Variants in INSR observed in about 807,000 individuals in gnomAD.
INSR encodes insulin receptor, also known as IR.
A neutral mutation model predicts 142.6 loss-of-function variants in INSR; 67 were observed. The ratio of observed to expected loss-of-function variants is 0.47; its 90% CI spans 0.39 to 0.58. The LOEUF (loss-of-function observed/expected upper bound fraction) is 0.58. Among genes scored for constraint, INSR ranks in the 20% least tolerant of loss-of-function variants. The probability of loss-of-function intolerance (pLI) is 0.00; values close to 1 mark genes in which losing one functional copy is unlikely to be tolerated. For missense variants in INSR, 1,248 were observed against 1,833.2 expected, an observed-to-expected ratio of 0.68 and a Z score of 5.83; for synonymous variants, 756 against 743.1, an observed-to-expected ratio of 1.02 and a Z score of -0.28.
intron 5 of INSR, 57 bp downstream of exon 5, chr19:7,172,233 T>G: frequency 6.2e-7 from 1 of 1,601,832 alleles, no homozygotes; most frequent in South Asian, 1.1e-5. Flanking sequence ...TAAGTTGTTC[T>G]AATACACGAA....
At chr19:7,283,562 C>T (rs549121106) in intron 1 of INSR, among the ~76,000 whole-genome samples, 7 of 152,250 alleles carry the variant, frequency 4.6e-5, no homozygotes, top group African/African-American at 1.7e-4. Context: ...GCCTCAGCCT[C>T]CTGAGTAGCT....
At position 7,117,033 on chromosome 19, in the gene INSR, C is replaced by T. The variant is rs778594659; in HGVS notation, c.*23G>A. The T allele has an allele frequency of 8.8e-6, 14 of 1,593,352 alleles. No homozygotes were observed. Among genetic ancestry groups the T allele is most frequent in the Middle Eastern group, 1.7e-4 (1 of 6,050 alleles). On this transcript the variant is annotated 3_prime_UTR_variant, in exon 22 of 22. Transcript: ENST00000302850. ...GAAAGCGAAAATGGGAACCCCTGCCCGCCCCCGCCACGGTAGGCACTGTTA... is the reference window on the plus strand; with the variant it reads ...GAAAGCGAAAATGGGAACCCCTGCCTGCCCCCGCCACGGTAGGCACTGTTA...
At position 7,283,532 on chromosome 19, in the gene INSR, C is replaced by T. The variant is rs549704284; in HGVS notation, c.100+10260G>A. ...TCGGCTCACTGCAACCTCTGCCTCCCGGGTTCCAGCAATTCTCCCGCCTCA... is the reference window on the plus strand; with the variant it reads ...TCGGCTCACTGCAACCTCTGCCTCCTGGGTTCCAGCAATTCTCCCGCCTCA... On this transcript the variant is annotated intron_variant, in intron 1 of 21. Transcript: ENST00000302850. Among the ~76,000 whole-genome samples the T allele has an allele frequency of 2.4e-3, 361 of 151,956 alleles. 3 individuals carry two copies. The highest frequency in any genetic ancestry group is 2.0e-3 in the African/African-American group (82 of 41,452).
At position 7,267,429 on chromosome 19, in the gene INSR, C is replaced by T. The variant is rs1230564293; in HGVS notation, c.568G>A (p.Ala190Thr). Residue 190 changes from alanine to threonine, a missense_variant, in exon 2 of 22, where the codon GCG (alanine) becomes ACG (threonine). Ala to Thr is a moderately conservative substitution (Grantham distance 58). Around this residue, in one of 3 missense-constraint regions of INSR, gnomAD observed 1,069 missense variants for 1,654.0 expected, o/e 0.65. Coordinates refer to ENST00000302850, the MANE Select transcript of INSR (RefSeq NM_000208.4). The surrounding 1 kb of genome is among the most constrained non-coding windows in gnomAD (Gnocchi z 6.3). Reference sequence around the variant, plus strand: ...GCGGGGCAGTTGGTCTTGCCCTTCGCGGTACCCGGACAGATGTCTCCACAC... The same window carrying T: ...GCGGGGCAGTTGGTCTTGCCCTTCGTGGTACCCGGACAGATGTCTCCACAC... ...EECGDICPGTAKGKTNCPATV... is the reference protein window; with the variant it reads ...EECGDICPGTTKGKTNCPATV... 2.4e-5 allele frequency: 38 copies of T among 1,614,012 alleles called. No individual in the cohort carries two copies. Among genetic ancestry groups the T allele is most frequent in the Non-Finnish European group, 3.1e-5 (36 of 1,180,040 alleles).
At chr19:7,249,445 G>C (rs1976638077) in intron 2 of INSR, among the ~76,000 whole-genome samples, 1 of 152,046 alleles carries the variant, frequency 6.6e-6, no homozygotes, top group Admixed American at 6.6e-5. Flanking sequence ...CTGTTTGTCA[G>C]ACACTAAAAA....
intron 9 of INSR, among the ~76,000 whole-genome samples, chr19:7,157,225 C>T (rs961755520): frequency 1.3e-4 from 20 of 152,000 alleles, no homozygotes; most frequent in Non-Finnish European, 2.2e-4. Flanking sequence ...GTGGTCCACC[C>T]GCCTCAGCCT....
rs533527140 is a variant in INSR at position 7,234,782 on chromosome 19, C to T, written c.652+32563G>A. Among the ~76,000 whole-genome samples, 166 of 152,112 alleles carry T rather than the reference C, an allele frequency of 1.1e-3. 1 individual carries two copies. Among genetic ancestry groups the T allele is most frequent in the Non-Finnish European group, 2.9e-4 (20 of 67,984 alleles). On this transcript the variant is annotated intron_variant, in intron 2 of 21. Coordinates refer to ENST00000302850, the MANE Select transcript of INSR (RefSeq NM_000208.4). The stretch of plus-strand genomic sequence containing the variant: ...CTCTTCTTAAAAATATTTCTGGGCC[C>T]GGCGCAGTGGCTCATGCCTGTAATC...
At chr19:7,242,392 A>G (rs1034133679) in intron 2 of INSR, among the ~76,000 whole-genome samples, 1 of 152,092 alleles carries the variant, frequency 6.6e-6, no homozygotes, top group East Asian at 1.9e-4. Flanking sequence ...TAAAAACAGC[A>G]AATTTCATTT....
intron 2 of INSR, among the ~76,000 whole-genome samples, chr19:7,235,217 T>C (rs1976120118): frequency 6.6e-6 from 1 of 152,024 alleles, no homozygotes; most frequent in Non-Finnish European, 1.5e-5. Context: ...CAGTCAACAG[T>C]CTAAAAGCAA....
chr19:7,157,424 ATTTT>A (rs56136465), intron 9 of INSR, among the ~76,000 whole-genome samples: 4 of 115,104 alleles, frequency 3.5e-5, no homozygotes, highest in Non-Finnish European at 6.8e-5. Context: ...CGATTTTTGT[ATTTT>A]TTTTTTTTTT....
Position 7,243,239 on chromosome 19 carries a change from T to A in INSR, c.652+24106A>T, listed in dbSNP as rs996282855. Among the ~76,000 whole-genome samples the A allele has an allele frequency of 4.6e-5, 5 of 109,552 alleles. No homozygotes were observed. In the South Asian group the frequency reaches 1.6e-3, roughly 35 times the overall value. The allele number at this position is 109,552 out of a possible 152,430, so 71.9% of individuals were successfully genotyped here. On this transcript the variant is annotated intron_variant, in intron 2 of 21. Transcript: ENST00000302850. Reference sequence around the variant, plus strand: ...GCCAGTCACACACTGTTTTGGTTTTTTTTTTTTTTTTTTTTTTTTTTTTTG... The same window carrying A: ...GCCAGTCACACACTGTTTTGGTTTTATTTTTTTTTTTTTTTTTTTTTTTTG...
intron 10 of INSR, 90 bp downstream of exon 10, chr19:7,152,636 T>G (rs1468982583): frequency 2.9e-6 from 3 of 1,049,614 alleles, no homozygotes; most frequent in Non-Finnish European, 4.5e-6. Context: ...CGTCTCTGGG[T>G]CCCACTACCT....
In INSR at chr19:7,122,965, T is replaced by C. The variant is rs909008899; in HGVS notation, c.3283A>G (p.Lys1095Glu). ...HVVRLLGVVS[K>E]GQPTLVVMEL... Reference sequence around the variant, plus strand: ...ATCACCACCAGCGTGGGCTGGCCCTTGGACACCACTCCCAGGAGGCGCACC... The same window carrying C: ...ATCACCACCAGCGTGGGCTGGCCCTCGGACACCACTCCCAGGAGGCGCACC... The change falls in exon 18 of 22, where the codon AAG (lysine) becomes GAG (glutamate). Residue 1095 changes from lysine to glutamate, a missense_variant. Lys to Glu is a moderately conservative substitution (Grantham distance 56, BLOSUM62 1). This residue lies in a region of INSR where 1,069 missense variants were observed against 1,654.0 expected (regional missense o/e 0.65). Transcript: ENST00000302850. 6.8e-6 allele frequency: 11 copies of C among 1,606,126 alleles called. No homozygotes were observed. The highest frequency in any genetic ancestry group is 9.3e-6 in the Non-Finnish European group (11 of 1,177,464).
At chr19:7,208,895 C>T (rs942886730) in intron 2 of INSR, among the ~76,000 whole-genome samples, 1 of 152,080 alleles carries the variant, frequency 6.6e-6, no homozygotes, top group East Asian at 1.9e-4. Context: ...CCCAGCTACT[C>T]GAGAGGCAGA....
At chr19:7,172,480 C>A in intron 4 of INSR, 46 bp from the exon 5 acceptor site, 1 of 1,591,178 alleles carries the variant, frequency 6.3e-7, no homozygotes, top group South Asian at 1.1e-5. Context: ...AGACATATTT[C>A]AATCTTCTCA....
chr19:7,169,428 T>A (rs1022299717), intron 6 of INSR, among the ~76,000 whole-genome samples: 4 of 151,336 alleles, frequency 2.6e-5, no homozygotes, highest in Admixed American at 1.3e-4. Flanking sequence ...AAAAAAAAAT[T>A]AGCCGGGCTT....
intron 1 of INSR, among the ~76,000 whole-genome samples, chr19:7,277,396 C>G (rs1351595160): frequency 6.6e-6 from 1 of 151,910 alleles, no homozygotes; most frequent in Non-Finnish European, 1.5e-5. Flanking sequence ...CAGGGGGACT[C>G]TCAAGACAAA....
At chr19:7,158,233 A>G (rs185486638) in intron 9 of INSR, among the ~76,000 whole-genome samples, 186 of 151,854 alleles carry the variant, frequency 1.2e-3, no homozygotes, top group South Asian at 6.5e-3. Context: ...AGGCGCGGTG[A>G]CTCACGCCTG....
At chr19:7,164,089 C>A (rs557738078) in intron 8 of INSR, among the ~76,000 whole-genome samples, 1 of 99,272 alleles carries the variant, frequency 1.0e-5, no homozygotes, top group African/African-American at 4.7e-5. Context: ...AGTGAAACTC[C>A]GTTAAAAAAA....
Sources: gnomAD v4.1 joint callset for allele counts (sites outside exome capture counted in the v4.1 genomes callset) on GRCh38, gnomAD v4.1.1 for gene constraint, gnomAD v4.1.1 regional missense constraint, Gnocchi (gnomAD v3.1) non-coding constraint, MANE v1.5 for transcripts, NCBI Gene and HGNC (gene_info 2026-07-23, HGNC 2026-07-21) for gene names.